The following SEPTIN1 variants were observed in gnomAD, a reference collection of about 807,000 sequenced individuals.
The protein encoded by SEPTIN1 is septin 1.
Under a neutral mutation model 50.7 loss-of-function variants are expected in SEPTIN1, and 52 were observed. The observed-to-expected ratio is 1.03, with a 90% confidence interval of 0.82 to 1.29. The LOEUF is 1.29. Among genes scored for constraint, SEPTIN1 ranks in the 50% most tolerant of loss-of-function variants. The probability of loss-of-function intolerance (pLI) is 0.00; values close to 1 mark genes in which losing one functional copy is unlikely to be tolerated. For synonymous variants in SEPTIN1, 204 were observed against 189.1 expected, an observed-to-expected ratio of 1.08 and a Z score of -0.65; for missense variants, 455 against 490.7, an observed-to-expected ratio of 0.93 and a Z score of 0.69.
chr16:30,381,054 A>G lies in SEPTIN1; in HGVS notation c.573+73T>C. ...ACCATGCTCCAGAAAGGCCACTTCA[A>G]GATCAAAGAAGTCTAAGCTGAAATC... is the stretch of plus-strand genomic sequence containing the variant. On this transcript the variant is annotated intron_variant, in intron 6 of 10. Coordinates refer to ENST00000321367, the MANE Select transcript of SEPTIN1 (RefSeq NM_001365977.2). The surrounding 1 kb of genome is among the most constrained non-coding windows in gnomAD (Gnocchi z 4.3). 2 of 1,223,846 alleles carry G rather than the reference A, an allele frequency of 1.6e-6. No individual in the cohort carries two copies. The highest frequency in any genetic ancestry group is 2.4e-5 in the South Asian group (2 of 82,802). 75.8% of individuals were successfully genotyped at this position (1,223,846 alleles called of 1,614,324 possible).
At position 30,382,056 on chromosome 16, in the gene SEPTIN1, A is replaced by G. The variant is rs1265192740; in HGVS notation, c.196+37T>C. The G allele has an allele frequency of 6.3e-7, 1 of 1,582,276 alleles. No homozygotes were observed. The highest frequency in any genetic ancestry group is 8.6e-7 in the Non-Finnish European group (1 of 1,162,276). ...AAAGACTAGGGTGTAACCTGGGGAC[A>G]GGGGCTACTGCCTCAAGAGGGTGGG... On this transcript the variant is annotated intron_variant, in intron 3 of 10. Coordinates refer to ENST00000321367, the MANE Select transcript of SEPTIN1 (RefSeq NM_001365977.2). This position sits in a 1 kb window ranked among gnomAD's most constrained non-coding sequence, Gnocchi z 4.8.
At chr16:30,382,562 C>G (rs1414774097), upstream of SEPTIN1, 1 of 1,586,024 alleles carries the variant, frequency 6.3e-7, no homozygotes, top group Non-Finnish European at 8.6e-7. The surrounding 1 kb of genome is among the most constrained non-coding windows in gnomAD (Gnocchi z 4.8). Context: ...TGCCGTCTCT[C>G]CCCACTTCCT....
chr16:30,379,533 T>C lies in SEPTIN1; in HGVS notation c.677A>G (p.Glu226Gly), dbSNP rs755635579. 47 of 1,612,790 alleles carry C rather than the reference T, an allele frequency of 2.9e-5. No individual in the cohort carries two copies. Among genetic ancestry groups the C allele is most frequent in the Admixed American group, 5.0e-5 (3 of 59,930 alleles). The change falls in exon 8 of 11, where the codon GAA (glutamate) becomes GGA (glycine). Residue 226 changes from glutamate (E) to glycine (G), a missense_variant and splice_region_variant. Transcript: ENST00000321367. ...TCCCACGACTGCAAAAGGGATGCTT[T>C]CCTGGAGGGCAGGGGGCAGGGGTTC... ...DFKRQDAEMK[E>G]SIPFAVVGSC...
chr16:30,378,373 G>T lies in SEPTIN1; in HGVS notation c.*61C>A. 1 of 1,444,790 alleles carries T rather than the reference G, an allele frequency of 6.9e-7. No homozygotes were observed. Among genetic ancestry groups the T allele is most frequent in the Non-Finnish European group, 9.2e-7 (1 of 1,085,828 alleles). 89.5% of individuals were successfully genotyped at this position (1,444,790 alleles called of 1,614,324 possible). ...GGGGGCGCTGGGCAGTGTGGGGCGC[G>T]GGGATTGGACAAGAGGCCGACTGAA... On this transcript the variant is annotated 3_prime_UTR_variant, in exon 11 of 11. Transcript: ENST00000321367.
Position 30,379,502 on chromosome 16 carries a change from G to C in SEPTIN1, c.708C>G (p.Cys236Trp). ...GGTTCCCGCCATCCCTCACCACCTC[G>C]CATGATCCCACGACTGCAAAAGGGA... is the stretch of plus-strand genomic sequence containing the variant. ...ESIPFAVVGS[C>W]EVVRDGGNRP... The change falls in exon 8 of 11, where the codon TGC (cysteine) becomes TGG (tryptophan). Residue 236 changes from cysteine to tryptophan, a missense_variant. Cys to Trp is a radical substitution (Grantham distance 215). Coordinates refer to ENST00000321367, the MANE Select transcript of SEPTIN1 (RefSeq NM_001365977.2). 2.5e-6 allele frequency: 4 copies of C among 1,613,782 alleles called. No homozygotes were observed. The highest frequency in any genetic ancestry group is 1.3e-5 in the African/African-American group (1 of 74,998).
rs1027151814 is a variant in SEPTIN1, at chr16:30,378,381, G to C, written c.*53C>G. 33 of 1,485,528 alleles carry C rather than the reference G, an allele frequency of 2.2e-5. No homozygotes were observed. The highest frequency in any genetic ancestry group is 2.9e-5 in the Non-Finnish European group (32 of 1,117,484). 92.0% of individuals were successfully genotyped at this position (1,485,528 alleles called of 1,614,324 possible). ...TGGGCAGTGTGGGGCGCGGGGATTG[G>C]ACAAGAGGCCGACTGAAGGCGGAGC... On this transcript the variant is annotated 3_prime_UTR_variant, in exon 11 of 11. Transcript: ENST00000321367.
In SEPTIN1 at chr16:30,381,099, G is replaced by A. The variant is rs772170919; in HGVS notation, c.573+28C>T. ...GAAATCAGGTTTGGCTTCACATGGG[G>A]TCAAAGGTCAGAGGTCATCACTCAC... On this transcript the variant is annotated intron_variant, in intron 6 of 10. Transcript: ENST00000321367. The surrounding 1 kb of genome is among the most constrained non-coding windows in gnomAD (Gnocchi z 4.3). 1.5e-5 allele frequency: 24 copies of A among 1,565,222 alleles called. No homozygotes were observed. The East Asian group carries it at 5.4e-4, about 35-fold the overall frequency.
upstream of SEPTIN1, chr16:30,382,763 G>C: frequency 6.5e-7 from 1 of 1,536,058 alleles, no homozygotes; most frequent in Non-Finnish European, 8.7e-7. The surrounding 1 kb of genome is among the most constrained non-coding windows in gnomAD (Gnocchi z 4.8). Context: ...CACACATCTG[G>C]ATTCCAAGTC....
rs746574900 is a variant in SEPTIN1 at position 30,379,188 on chromosome 16, A to AG, written c.776-6dup. On this transcript the variant is annotated splice_region_variant and splice_polypyrimidine_tract_variant and intron_variant, in intron 8 of 10. Transcript: ENST00000321367. ...CGCAGTGATGTGGGTTCTCCACTGGAGGGGGGGCGGCGCGGACCAGCGAAC... is the reference window on the plus strand; with the variant it reads ...CGCAGTGATGTGGGTTCTCCACTGGAGGGGGGGGCGGCGCGGACCAGCGAAC... The AG allele has an allele frequency of 8.1e-6, 13 of 1,613,356 alleles. No homozygotes were observed. The highest frequency in any genetic ancestry group is 1.7e-5 in the Admixed American group (1 of 59,988).
Position 30,381,629 on chromosome 16 carries a change from C to T in SEPTIN1, c.320+131G>A. On this transcript the variant is annotated intron_variant, in intron 4 of 10. Coordinates refer to ENST00000321367, the MANE Select transcript of SEPTIN1 (RefSeq NM_001365977.2). This position sits in a 1 kb window ranked among gnomAD's most constrained non-coding sequence, Gnocchi z 4.3. Reference sequence around the variant, plus strand: ...GGCCTAGGTGAGTCATCAAGAAGCACAGGGACCCAGTGGCCCTCTGAAACA... The same window carrying T: ...GGCCTAGGTGAGTCATCAAGAAGCATAGGGACCCAGTGGCCCTCTGAAACA... 6.7e-6 allele frequency: 10 copies of T among 1,487,562 alleles called. No homozygotes were observed. Among genetic ancestry groups the T allele is most frequent in the Non-Finnish European group, 9.1e-6 (10 of 1,093,704 alleles). 92.1% of individuals were successfully genotyped at this position (1,487,562 alleles called of 1,614,324 possible). A position where few individuals can be genotyped will look rare whatever the true frequency, so the allele number is the denominator to read the frequency against.
rs2049809456 is a variant in SEPTIN1, at chr16:30,379,471, C to G, written c.739G>C (p.Val247Leu). Reference sequence around the variant, plus strand: ...CCCCAGGAGTAGCGGCGTCCCCTCACCGGCCGGTTCCCGCCATCCCTCACC... The same window carrying G: ...CCCCAGGAGTAGCGGCGTCCCCTCAGCGGCCGGTTCCCGCCATCCCTCACC... ...EVVRDGGNRP[V>L]RGRRYSWGTV... The change falls in exon 8 of 11, where the codon GTG (valine) becomes CTG (leucine). Residue 247 changes from valine to leucine, a missense_variant. Val to Leu is a conservative substitution (Grantham distance 32). Transcript: ENST00000321367. The G allele has an allele frequency of 6.2e-7, 1 of 1,613,938 alleles. No homozygotes were observed. Among genetic ancestry groups the G allele is most frequent in the Middle Eastern group, 1.6e-4 (1 of 6,062 alleles).
chr16:30,378,666 G>T lies in SEPTIN1; in HGVS notation c.976C>A (p.Leu326Met). The change falls in exon 10 of 11, where the codon CTG becomes ATG. Residue 326 changes from leucine to methionine, a missense_variant. Leu to Met is a conservative substitution (Grantham distance 15). Transcript: ENST00000321367. ...GTGTCCGCCAGAGGCAGCATGGGCA[G>T]CGGGATCTCTGTGGCGCTCTGGCGG... Reference protein sequence around the residue: ...LSRQSATEIPLPMLPLADTEK... With the variant: ...LSRQSATEIPMPMLPLADTEK... 6.2e-7 allele frequency: 1 copy of T among 1,609,998 alleles called. No individual in the cohort carries two copies. Among genetic ancestry groups the T allele is most frequent in the Non-Finnish European group, 8.5e-7 (1 of 1,179,960 alleles).
Position 30,379,373 on chromosome 16 carries a change from C to T in SEPTIN1, c.775+62G>A, listed in dbSNP as rs554603437. On this transcript the variant is annotated intron_variant, in intron 8 of 10. Transcript: ENST00000321367. ...CCACCCCAACTTCACATGTTGAGTGCGCCTGACCCAGAGGCCCCGGGCTCC... is the reference window on the plus strand; with the variant it reads ...CCACCCCAACTTCACATGTTGAGTGTGCCTGACCCAGAGGCCCCGGGCTCC... 63 of 1,490,540 alleles carry T rather than the reference C, an allele frequency of 4.2e-5. No homozygotes were observed. In the East Asian group the frequency reaches 6.3e-4, roughly 15 times the overall value. The allele number at this position is 1,490,540 out of a possible 1,614,324, so 92.3% of individuals were successfully genotyped here. A position where few individuals can be genotyped will look rare whatever the true frequency, so the allele number is the denominator to read the frequency against.
At chr16:30,379,832 C>G in intron 7 of SEPTIN1, 100 bp downstream of exon 7, 1 of 718,480 alleles carries the variant, frequency 1.4e-6, no homozygotes, top group Non-Finnish European at 2.4e-6. Flanking sequence ...GTCTGGAACT[C>G]CTGACCTCAG....
intron 8 of SEPTIN1, 93 bp from the exon 9 acceptor site, chr16:30,379,276 A>G (rs1221152624): frequency 3.2e-5 from 49 of 1,532,244 alleles, no homozygotes; most frequent in African/African-American, 5.5e-5. Flanking sequence ...TCCTGCTGCC[A>G]CTCTAGCGGA....
In SEPTIN1 at chr16:30,379,538, G is replaced by A; in HGVS notation, c.676-4C>T. The A allele has an allele frequency of 6.2e-7, 1 of 1,612,136 alleles. No individual in the cohort carries two copies. The highest frequency in any genetic ancestry group is 8.5e-7 in the Non-Finnish European group (1 of 1,178,704). ...CGACTGCAAAAGGGATGCTTTCCTG[G>A]AGGGCAGGGGGCAGGGGTTCACCAT... On this transcript the variant is annotated splice_polypyrimidine_tract_variant and splice_region_variant and intron_variant, in intron 7 of 10. Coordinates refer to ENST00000321367, the MANE Select transcript of SEPTIN1 (RefSeq NM_001365977.2).
Position 30,382,549 on chromosome 16 carries a change from ACCTGCCGTC to A in SEPTIN1, c.-16_-8del. On this transcript the variant is annotated 5_prime_UTR_variant, in exon 1 of 11. The change creates a new upstream start codon in the 5' untranslated region. Transcript: ENST00000321367. The surrounding 1 kb of genome is among the most constrained non-coding windows in gnomAD (Gnocchi z 4.8). The stretch of plus-strand genomic sequence containing the variant: ...CCATGACTCCGCCAGCCATCACTGC[ACCTGCCGTC>A]TCTCCCCACTTCCTCTGGTGGGGCA... The A allele has an allele frequency of 1.3e-6, 2 of 1,589,618 alleles. No homozygotes were observed. The highest frequency in any genetic ancestry group is 1.7e-6 in the Non-Finnish European group (2 of 1,168,340).
Position 30,381,315 on chromosome 16 carries a change from G to A in SEPTIN1, c.455+24C>T. 6.3e-7 allele frequency: 1 copy of A among 1,589,652 alleles called. No individual in the cohort carries two copies. Among genetic ancestry groups the A allele is most frequent in the Non-Finnish European group, 8.6e-7 (1 of 1,161,166 alleles). ...CCCCCAGCCCTCCCTAAATGCGCCAGCCCCCAGGATCCCCCCACCAGACCC... is the reference window on the plus strand; with the variant it reads ...CCCCCAGCCCTCCCTAAATGCGCCAACCCCCAGGATCCCCCCACCAGACCC... On this transcript the variant is annotated intron_variant, in intron 5 of 10. Transcript: ENST00000321367. This position sits in a 1 kb window ranked among gnomAD's most constrained non-coding sequence, Gnocchi z 4.3.
At chr16:30,380,251 A>G (rs913940125) in intron 6 of SEPTIN1, 4 of 344,236 alleles carry the variant, frequency 1.2e-5, no homozygotes, top group African/African-American at 6.4e-5. Context: ...GGCAGACATT[A>G]AGAGACCAGG....
Sources: gnomAD v4.1 joint callset for allele counts on GRCh38, gnomAD v4.1.1 for gene constraint, Gnocchi (gnomAD v3.1) non-coding constraint, MANE v1.5 for transcripts, NCBI Gene and HGNC (gene_info 2026-07-23, HGNC 2026-07-21) for gene names.